The following ZNF446 variants were observed in gnomAD, a reference collection of about 807,000 sequenced individuals.
ZNF446 encodes zinc finger protein with KRAB and SCAN domains 20.
ZNF446 carries 42 observed loss-of-function variants against 34.0 expected under a neutral mutation model. That is an observed-to-expected ratio of 1.23 (90% CI 0.96 to 1.60). ZNF446 has a LOEUF of 1.60. ZNF446 is among the 40% of genes most tolerant of loss of function. The probability of loss-of-function intolerance (pLI) is 0.00; values close to 1 mark genes in which losing one functional copy is unlikely to be tolerated. For missense variants in ZNF446, 650 were observed against 600.2 expected (o/e 1.08, Z -0.87); for synonymous variants, 315 against 251.0 (o/e 1.25, Z -2.41).
chr19:58,486,162 C>T (rs542898619), downstream of ZNF446, among the ~76,000 whole-genome samples: 6 of 139,536 alleles, frequency 4.3e-5, no homozygotes, highest in East Asian at 6.3e-4. Context: ...GGTGTGATCT[C>T]GGCTCACTGC....
chr19:58,477,810 CGATG>C lies in ZNF446; in HGVS notation c.519_522del (p.Gly174ArgfsTer191). 1 of 1,566,674 alleles carries C rather than the reference CGATG, an allele frequency of 6.4e-7. No individual in the cohort carries two copies. The highest frequency in any genetic ancestry group is 8.6e-7 in the Non-Finnish European group (1 of 1,158,740). On this transcript the variant is annotated frameshift_variant, in exon 3 of 7. Transcript: ENST00000594369. LOFTEE classifies it high-confidence loss of function. Reference sequence around the variant, plus strand: ...GCAGTGTGAAGGAGGAGCCCAATGTCGATGGACAGGAAGTGGGTGAGGTTGGGGT... The same window carrying C: ...GCAGTGTGAAGGAGGAGCCCAATGTCGACAGGAAGTGGGTGAGGTTGGGGT...
intron 4 of ZNF446, among the ~76,000 whole-genome samples, chr19:58,479,049 C>CT (rs1449816193): frequency 6.6e-6 from 1 of 152,198 alleles, no homozygotes; most frequent in Non-Finnish European, 1.5e-5. Context: ...CCCGGCTCCT[C>CT]TAACAACTCC....
the ZNF446 span, among the ~76,000 whole-genome samples, chr19:58,489,099 T>C: frequency 6.6e-6 from 1 of 152,196 alleles, no homozygotes; most frequent in Non-Finnish European, 1.5e-5. Flanking sequence ...TGGTTTATAG[T>C]TTAAAACACA....
Position 58,481,110 on chromosome 19 carries a change from A to G in ZNF446, c.*384A>G. On this transcript the variant is annotated 3_prime_UTR_variant, in exon 7 of 7. Transcript: ENST00000594369. The stretch of plus-strand genomic sequence containing the variant: ...TGTGCCTTCCCACTCGTCTGTGCAG[A>G]GGCTGGGCCTGAGGTCTCAGTGTGG... 4.4e-6 allele frequency: 1 copy of G among 229,756 alleles called. No individual in the cohort carries two copies. The allele number at this position is 229,756 out of a possible 1,614,324, so 14.2% of individuals were successfully genotyped here.
Position 58,480,527 on chromosome 19 carries a change from C to T in ZNF446, c.1154C>T (p.Pro385Leu), listed in dbSNP as rs1462469822. The stretch of plus-strand genomic sequence containing the variant: ...GGGGAGGTGGCCTTTCCGCACCACC[C>T]CCGACGCTCACTCACAGGCCCCCGG... ...PQGEVAFPHH[P>L]RRSLTGPRSY... The change falls in exon 7 of 7, where the codon CCC becomes CTC. Residue 385 changes from proline to leucine, a missense_variant. By Grantham distance (98) the Pro-to-Leu change is moderately conservative. Coordinates refer to ENST00000594369, the MANE Select transcript of ZNF446 (RefSeq NM_017908.4). The surrounding 1 kb of genome is among the most constrained non-coding windows in gnomAD (Gnocchi z 7.2). The T allele has an allele frequency of 2.5e-6, 4 of 1,612,568 alleles. No homozygotes were observed. The African/African-American group carries it at 5.3e-5, about 22-fold the overall frequency.
downstream of ZNF446, chr19:58,483,908 C>T (rs180913935): frequency 1.3e-5 from 2 of 152,230 alleles, no homozygotes; most frequent in African/African-American, 2.4e-5. Flanking sequence ...ATCATTTCTA[C>T]CAAGACCAAA....
At chr19:58,482,147 A>G (rs2053145011), downstream of ZNF446, among the ~76,000 whole-genome samples, 1 of 151,856 alleles carries the variant, frequency 6.6e-6, no homozygotes, top group South Asian at 2.1e-4. Context: ...GGAGAGAATA[A>G]TCCATTTTGT....
chr19:58,489,169 T>A, the ZNF446 span, among the ~76,000 whole-genome samples: 1 of 152,182 alleles, frequency 6.6e-6, no homozygotes, highest in Non-Finnish European at 1.5e-5. Flanking sequence ...AGATGGCCTT[T>A]GTAGGACTAA....
At chr19:58,482,223 T>C (rs991093508), downstream of ZNF446, among the ~76,000 whole-genome samples, 1 of 151,936 alleles carries the variant, frequency 6.6e-6, no homozygotes, top group South Asian at 2.1e-4. Context: ...CATTCCTCCG[T>C]CTTCAAAGCC....
chr19:58,477,720 G>A lies in ZNF446; in HGVS notation c.426G>A (p.Gly142=). The A allele has an allele frequency of 1.2e-6, 2 of 1,613,868 alleles. No individual in the cohort carries two copies. Among genetic ancestry groups the A allele is most frequent in the South Asian group, 2.2e-5 (2 of 91,078 alleles). ...EEPLGSPHPS[G]TVESPGEGPQ... is the part of the protein sequence containing the mutation. ...CACTTGGGAGCCCCCACCCCTCAGG[G>A]ACAGTGGAGTCCCCTGGGGAAGGTC... is the stretch of plus-strand genomic sequence containing the variant. The change falls in exon 3 of 7, where the codon GGG becomes GGA. Residue 142 remains glycine (G), a synonymous_variant. Transcript: ENST00000594369.
chr19:58,479,170 G>C (rs1211287823), intron 4 of ZNF446, among the ~76,000 whole-genome samples: 1 of 152,188 alleles, frequency 6.6e-6, no homozygotes, highest in Non-Finnish European at 1.5e-5. Context: ...GAGGCAGGGT[G>C]GGTAGGCTGC....
downstream of ZNF446, among the ~76,000 whole-genome samples, chr19:58,484,037 T>C (rs904041437): frequency 2.6e-5 from 4 of 152,124 alleles, no homozygotes; most frequent in Non-Finnish European, 5.9e-5. Context: ...ATGGGATTGG[T>C]GAGTTACAGG....
intron 1 of ZNF446, among the ~76,000 whole-genome samples, chr19:58,476,725 T>C (rs775112755): frequency 6.6e-6 from 1 of 152,032 alleles, no homozygotes; most frequent in Non-Finnish European, 1.5e-5. Context: ...TCCCACCCAG[T>C]CAACCTCCCC....
intron 3 of ZNF446, 30 bp from the exon 4 acceptor site, chr19:58,478,057 C>G (rs731259): frequency 1.3e-6 from 2 of 1,591,968 alleles, no homozygotes; most frequent in Admixed American, 3.4e-5. Flanking sequence ...CAGCCCCTGA[C>G]ACCACCCTTC....
At chr19:58,484,231 C>T (rs1035658156), downstream of ZNF446, among the ~76,000 whole-genome samples, 17 of 131,944 alleles carry the variant, frequency 1.3e-4, no homozygotes, top group African/African-American at 4.9e-4. Context: ...GAGGCCAAGA[C>T]TTTGAGACCA....
At chr19:58,481,541 C>T (rs1227661983), downstream of ZNF446, among the ~76,000 whole-genome samples, 2 of 152,162 alleles carry the variant, frequency 1.3e-5, no homozygotes, top group African/African-American at 4.8e-5. Flanking sequence ...TGCGCCAAGG[C>T]CATGGGTACT....
downstream of ZNF446, among the ~76,000 whole-genome samples, chr19:58,485,279 T>A (rs2053163255): frequency 6.6e-6 from 1 of 150,996 alleles, no homozygotes; most frequent in Admixed American, 6.6e-5. Flanking sequence ...GGCGGGTGGA[T>A]CACCTGAGGT....
rs1002251775 is a variant in ZNF446, at chr19:58,479,906, T to C, written c.713-24T>C. The C allele has an allele frequency of 2.6e-6, 4 of 1,546,612 alleles. No individual in the cohort carries two copies. In the South Asian group the frequency reaches 4.7e-5, roughly 18 times the overall value. ...CCCTCCTTCATGCAAACCCCATGCC[T>C]AACTGTGCCCCCCACCCGGGCAGGG... On this transcript the variant is annotated intron_variant, in intron 5 of 6. Coordinates refer to ENST00000594369, the MANE Select transcript of ZNF446 (RefSeq NM_017908.4).
Position 58,480,279 on chromosome 19 carries a change from C to T in ZNF446, c.906C>T (p.Pro302=), listed in dbSNP as rs986716499. The T allele has an allele frequency of 1.3e-6, 2 of 1,578,096 alleles. No individual in the cohort carries two copies. The highest frequency in any genetic ancestry group is 1.3e-5 in the African/African-American group (1 of 74,288). The change falls in exon 7 of 7, where the codon CCC becomes CCT. Residue 302 remains proline, a synonymous_variant. Transcript: ENST00000594369. The surrounding 1 kb of genome is among the most constrained non-coding windows in gnomAD (Gnocchi z 7.2). ...EGLSGAATPA[P]TVRPGTPPVP... ...TGTCTGGGGCTGCCACTCCTGCCCC[C>T]ACTGTGCGCCCAGGGACACCGCCAG...
Sources: allele counts gnomAD v4.1 joint callset (sites outside exome capture counted in the v4.1 genomes callset), GRCh38; gene constraint gnomAD v4.1.1; non-coding constraint Gnocchi (gnomAD v3.1); transcripts MANE v1.5; gene names NCBI Gene and HGNC (gene_info 2026-07-23, HGNC 2026-07-21).